The following MAP4K3 variants were observed in gnomAD, a reference collection of about 807,000 sequenced individuals.
The protein encoded by MAP4K3 is mitogen-activated protein kinase kinase kinase kinase 3.
In MAP4K3, 94 loss-of-function variants were observed where a neutral mutation model predicts 143.5. That is an observed-to-expected ratio of 0.65 (90% CI 0.55 to 0.78). The LOEUF is 0.78. Ranked by LOEUF, MAP4K3 falls within the 30% of genes least tolerant of loss-of-function variation. The pLI, the probability that MAP4K3 is intolerant of heterozygous loss-of-function variation, is 0.00. For missense variants in MAP4K3, 1,077 were observed against 1,068.1 expected (o/e 1.01, Z -0.12); for synonymous variants, 416 against 347.2 (o/e 1.20, Z -2.20).
At chr2:39,407,399 T>C (rs1308417366) in intron 1 of MAP4K3, among the ~76,000 whole-genome samples, 1 of 149,156 alleles carries the variant, frequency 6.7e-6, no homozygotes, top group African/African-American at 2.5e-5. Flanking sequence ...AGTTGGAGAA[T>C]GGTTTGATAA....
At chr2:39,360,807 G>C (rs930007988) in intron 2 of MAP4K3, among the ~76,000 whole-genome samples, 1 of 152,070 alleles carries the variant, frequency 6.6e-6, no homozygotes, top group Non-Finnish European at 1.5e-5. Flanking sequence ...ACTATCACGA[G>C]AACAGCAGCA....
At chr2:39,390,239 T>C (rs1432272884) in intron 1 of MAP4K3, among the ~76,000 whole-genome samples, 3 of 152,206 alleles carry the variant, frequency 2.0e-5, no homozygotes, top group Non-Finnish European at 4.4e-5. Context: ...TTTAAAGTCC[T>C]GTTGTGCCTT....
intron 2 of MAP4K3, among the ~76,000 whole-genome samples, chr2:39,367,221 T>C (rs946487347): frequency 6.6e-6 from 1 of 152,140 alleles, no homozygotes; most frequent in Non-Finnish European, 1.5e-5. Context: ...CAAAGCCAAG[T>C]AGAAATTCCC....
chr2:39,273,011 A>G (rs1681095759), intron 24 of MAP4K3, among the ~76,000 whole-genome samples: 1 of 151,612 alleles, frequency 6.6e-6, no homozygotes, highest in Non-Finnish European at 1.5e-5. Context: ...GTATGGAGGG[A>G]AAAAAAAGGC....
Position 39,250,591 on chromosome 2 carries a change from G to T in MAP4K3, c.*27C>A. On this transcript the variant is annotated 3_prime_UTR_variant, in exon 34 of 34. Transcript: ENST00000263881. ...GCAGTGGTAGTGTTCTTTCTTTCTAGAGTTAACTGTCAAAGCACAACAATT... is the reference window on the plus strand; with the variant it reads ...GCAGTGGTAGTGTTCTTTCTTTCTATAGTTAACTGTCAAAGCACAACAATT... 1 of 1,596,856 alleles carries T rather than the reference G, an allele frequency of 6.3e-7. No homozygotes were observed. The highest frequency in any genetic ancestry group is 1.1e-5 in the South Asian group (1 of 90,366).
intron 1 of MAP4K3, among the ~76,000 whole-genome samples, chr2:39,415,980 A>AAATATATAT (rs1553318573): frequency 9.5e-4 from 14 of 14,766 alleles, no homozygotes; most frequent in Non-Finnish European, 1.6e-3. Context: ...AAAAAAAAAA[A>AAATATATAT]ATATATATAT....
chr2:39,309,875 A>G lies in MAP4K3; in HGVS notation c.998-356T>C, dbSNP rs1338553319. On this transcript the variant is annotated intron_variant, in intron 13 of 33. Transcript: ENST00000263881. ...GCCCGGCCAAAACCAGGATGTTTTT[A>G]TATTCTTAATGATATAATAATTTAA... Among the ~76,000 whole-genome samples the G allele has an allele frequency of 2.0e-5, 3 of 152,252 alleles. No individual in the cohort carries two copies. The East Asian group carries it at 5.8e-4, about 29-fold the overall frequency.
chr2:39,428,065 C>G (rs1006834737), intron 1 of MAP4K3, among the ~76,000 whole-genome samples: 1 of 151,904 alleles, frequency 6.6e-6, no homozygotes, highest in African/African-American at 2.4e-5. Flanking sequence ...TTATTTTTCC[C>G]TTAAATTAAA....
chr2:39,293,970 G>GT (rs1682163427), intron 16 of MAP4K3: 1 of 152,210 alleles, frequency 6.6e-6, no homozygotes, highest in Admixed American at 6.5e-5. Flanking sequence ...TTTCAGGAAT[G>GT]TAAGAGAGAA....
chr2:39,300,854 A>T (rs1682475593), intron 15 of MAP4K3, among the ~76,000 whole-genome samples: 1 of 152,214 alleles, frequency 6.6e-6, no homozygotes, highest in South Asian at 2.1e-4. Context: ...TGTTTGTAAA[A>T]GCGAGCTCCT....
rs56287463 is a variant in MAP4K3 at position 39,325,910 on chromosome 2, A to C, written c.714T>G (p.Asp238Glu). ...KSNFQPPKLK[D>E]KMKWSNSFHH... ...ATAAAAATACTTACCATTTCATTTT[A>C]TCCTTTAGTTTAGGAGGCTGAAAAT... Residue 238 changes from aspartate to glutamate, a missense_variant, in exon 10 of 34, where the codon GAT becomes GAG. This residue lies in a region of MAP4K3 where 864 missense variants were observed against 801.2 expected (regional missense o/e 1.08). Transcript: ENST00000263881. 1.3e-6 allele frequency: 2 copies of C among 1,588,796 alleles called. No individual in the cohort carries two copies. Among genetic ancestry groups the C allele is most frequent in the Non-Finnish European group, 1.7e-6 (2 of 1,161,888 alleles).
chr2:39,436,009 G>A (rs764535046), intron 1 of MAP4K3, among the ~76,000 whole-genome samples: 6 of 152,184 alleles, frequency 3.9e-5, no homozygotes, highest in Non-Finnish European at 8.8e-5. Context: ...GAAACTGGAG[G>A]AGTTCAACTT....
At chr2:39,416,972 A>G (rs1049371360) in intron 1 of MAP4K3, among the ~76,000 whole-genome samples, 5 of 152,218 alleles carry the variant, frequency 3.3e-5, no homozygotes, top group African/African-American at 1.2e-4. Context: ...CCTACAACAT[A>G]GCATGGATTA....
rs753820733 is a variant in MAP4K3 at position 39,436,842 on chromosome 2, C to T, written c.96+50G>A. On this transcript the variant is annotated intron_variant, in intron 1 of 33. Transcript: ENST00000263881. ...CAAGGGCTCGGACGCCCAGGCTTGG[C>T]TGCGGGTCGGGATCCCACGGCCTCG... 11 of 1,524,388 alleles carry T rather than the reference C, an allele frequency of 7.2e-6. No homozygotes were observed. In the Admixed American group the frequency reaches 1.1e-4, roughly 15 times the overall value. The allele number at this position is 1,524,388 out of a possible 1,614,324, so 94.4% of individuals were successfully genotyped here. A position where few individuals can be genotyped will look rare whatever the true frequency, so the allele number is the denominator to read the frequency against.
intron 3 of MAP4K3, among the ~76,000 whole-genome samples, chr2:39,345,921 CAAAAAAAAAAAAAAA>C (rs66729858): frequency 6.3e-5 from 1 of 15,842 alleles, no homozygotes; most frequent in Non-Finnish European, 1.4e-4. Context: ...GACTCTGTCT[CAAAAAAAAAAAAAAA>C]AAAAAAAAAA....
At chr2:39,326,358 T>C in intron 8 of MAP4K3, 81 bp from the exon 9 acceptor site, 1 of 1,486,972 alleles carries the variant, frequency 6.7e-7, no homozygotes, top group Admixed American at 2.1e-5. Flanking sequence ...CAAGGAATTA[T>C]CACTATCTAA....
At chr2:39,252,106 T>C (rs1680174405) in intron 32 of MAP4K3, among the ~76,000 whole-genome samples, 1 of 152,146 alleles carries the variant, frequency 6.6e-6, no homozygotes, top group Non-Finnish European at 1.5e-5. Flanking sequence ...CAAAGGAAAA[T>C]GATTTCCTTG....
At chr2:39,291,580 G>C (rs1199052011) in intron 18 of MAP4K3, among the ~76,000 whole-genome samples, 14 of 152,110 alleles carry the variant, frequency 9.2e-5, no homozygotes, top group Admixed American at 8.5e-4. Context: ...TTATAACTCA[G>C]GATCAGTTTT....
At chr2:39,307,904 A>C (rs1296898961) in intron 15 of MAP4K3, 39 bp downstream of exon 15, 9 of 1,463,678 alleles carry the variant, frequency 6.1e-6, no homozygotes, top group South Asian at 1.3e-5. Context: ...ATTAAGACTA[A>C]AACAATGCTG....
Sources: allele counts gnomAD v4.1 joint callset (sites outside exome capture counted in the v4.1 genomes callset), GRCh38; gene constraint gnomAD v4.1.1; regional missense constraint gnomAD v4.1.1; transcripts MANE v1.5; gene names NCBI Gene and HGNC (gene_info 2026-07-23, HGNC 2026-07-21).